Variants in JAK1 observed in about 807,000 individuals in gnomAD.
JAK1 encodes Janus kinase 1.
A neutral mutation model predicts 136.6 loss-of-function variants in JAK1; 16 were observed. The observed-to-expected ratio is 0.12, with a 90% CI of 0.08 to 0.18. The LOEUF is 0.18. Ranked by LOEUF, JAK1 falls within the 10% of genes least tolerant of loss-of-function variation. The pLI is 1.00. For synonymous variants in JAK1, 492 were observed against 519.5 expected (o/e 0.95, Z 0.72); for missense variants, 859 against 1,450.1 (o/e 0.59, Z 6.62).
At chr1:64,986,109 G>GT (rs35258864) in intron 2 of JAK1, 133,250 of 536,384 alleles carry the variant, frequency 0.25, 2,802 homozygotes, top group African/African-American at 0.28. Context: ...CAATCTAATT[G>GT]TTTTTTTTTT....
At position 64,845,517 on chromosome 1, in the gene JAK1, T is replaced by C; in HGVS notation, c.2111A>G (p.Tyr704Cys). The C allele has an allele frequency of 6.2e-7, 1 of 1,614,192 alleles. No homozygotes were observed. Among genetic ancestry groups the C allele is most frequent in the Non-Finnish European group, 8.5e-7 (1 of 1,180,014 alleles). ...VAKQLASALS[Y>C]LEDKDLVHGN... Reference sequence around the variant, plus strand: ...TGGACATCAGGACATTCTCACCAAGTAGCTCAGGGCACTGGCCAGCTGTTT... The same window carrying C: ...TGGACATCAGGACATTCTCACCAAGCAGCTCAGGGCACTGGCCAGCTGTTT... Residue 704 changes from tyrosine to cysteine, a missense_variant, in exon 15 of 25, where the codon TAC becomes TGC. Around this residue, in one of 4 missense-constraint regions of JAK1, gnomAD observed 409 missense variants for 753.8 expected, o/e 0.54. Coordinates refer to ENST00000342505, the MANE Select transcript of JAK1 (RefSeq NM_002227.4).
At chr1:65,057,258 A>G (rs1037416678) in intron 1 of JAK1, among the ~76,000 whole-genome samples, 7 of 152,214 alleles carry the variant, frequency 4.6e-5, no homozygotes, top group Non-Finnish European at 7.3e-5. Flanking sequence ...CTATTGTTAC[A>G]TGTGTACAGT....
chr1:64,987,805 T>G (rs558909726), intron 2 of JAK1: 2 of 152,136 alleles, frequency 1.3e-5, no homozygotes, highest in African/African-American at 4.8e-5. Flanking sequence ...GACCTAAAGA[T>G]AGAAAGGGGA....
upstream of JAK1, among the ~76,000 whole-genome samples, chr1:64,966,714 G>A (rs1288846956): frequency 4.0e-5 from 5 of 123,480 alleles, no homozygotes; most frequent in African/African-American, 1.2e-4. Context: ...GCCCCCATCC[G>A]GCTTCGCTCG....
chr1:64,844,938 C>G lies in JAK1; in HGVS notation c.2116-49G>C, dbSNP rs570856118. On this transcript the variant is annotated intron_variant, in intron 15 of 24. Coordinates refer to ENST00000342505, the MANE Select transcript of JAK1 (RefSeq NM_002227.4). This position sits in a 1 kb window ranked among gnomAD's most constrained non-coding sequence, Gnocchi z 5.7. ...TAGCCAAGCTGCTCCTTCCCGCATT[C>G]TATTTCCAACCCTGGTCCCTCAGGT... 88 of 1,612,404 alleles carry G rather than the reference C, an allele frequency of 5.5e-5. 1 individual carries two copies. In the South Asian group the frequency reaches 9.5e-4, roughly 17 times the overall value.
At chr1:65,008,640 C>CCCTTCG (rs1557755775) in intron 2 of JAK1, among the ~76,000 whole-genome samples, 2 of 150,556 alleles carry the variant, frequency 1.3e-5, no homozygotes, top group Non-Finnish European at 2.9e-5. Context: ...CTTCCCCTTC[C>CCCTTCG]CCTTCGCCTT....
intron 1 of JAK1, among the ~76,000 whole-genome samples, chr1:64,901,345 C>T (rs966290599): frequency 7.9e-5 from 12 of 152,072 alleles, no homozygotes; most frequent in African/African-American, 1.7e-4. Flanking sequence ...AACAGAATTG[C>T]GAGGAATTAT....
intron 10 of JAK1, among the ~76,000 whole-genome samples, chr1:64,856,391 A>G (rs1022410478): frequency 6.2e-4 from 95 of 152,350 alleles, no homozygotes; most frequent in African/African-American, 2.2e-3. Flanking sequence ...CAATGGGATA[A>G]TATCACCTAC....
rs1304332753 is a variant in JAK1, at chr1:64,976,139, G to T, written c.-78+68341C>A. ...CCTAGATCCATTTATTCTTTTTATT[G>T]TGGACACAGTGCCATATAGAGGTCT... On this transcript the variant is annotated intron_variant, in intron 2 of 25. Transcript: ENST00000671954. 2.0e-5 allele frequency among the ~76,000 whole-genome samples: 3 copies of T among 152,240 alleles called. No homozygotes were observed. The South Asian group carries it at 6.2e-4, about 32-fold the overall frequency.
rs1656147172 is a variant in JAK1, at chr1:64,859,306, C to T, written c.1334+799G>A. On this transcript the variant is annotated intron_variant, in intron 9 of 24. Transcript: ENST00000342505. ...ATGTAAGAGAAAGTCAAAAGAATCC[C>T]TGTTGTCTCAAAAGGCAGAATTCAA... 2.0e-5 allele frequency among the ~76,000 whole-genome samples: 3 copies of T among 152,232 alleles called. No individual in the cohort carries two copies. In the South Asian group the frequency reaches 6.2e-4, roughly 32 times the overall value.
chr1:65,003,067 C>T (rs1292348614), intron 2 of JAK1, among the ~76,000 whole-genome samples: 2 of 151,272 alleles, frequency 1.3e-5, no homozygotes, highest in South Asian at 2.1e-4. Context: ...CAGCCTCCCC[C>T]GCTTCTTCCC....
intron 4 of JAK1, among the ~76,000 whole-genome samples, chr1:64,874,428 C>A (rs571149194): frequency 6.6e-6 from 1 of 151,824 alleles, no homozygotes; most frequent in African/African-American, 2.4e-5. Flanking sequence ...ATACAGGTTA[C>A]TAGTCTGTTT....
At position 64,841,512 on chromosome 1, in the gene JAK1, G is replaced by T. The variant is rs1654904381; in HGVS notation, c.2493C>A (p.Asp831Glu). Residue 831 changes from aspartate to glutamate, a missense_variant, in exon 18 of 25, where the codon GAC (aspartate) becomes GAA (glutamate). By Grantham distance (45) the Asp-to-Glu change is conservative (BLOSUM62 2). This residue lies in a region of JAK1 where 409 missense variants were observed against 753.8 expected (regional missense o/e 0.54). Coordinates refer to ENST00000342505, the MANE Select transcript of JAK1 (RefSeq NM_002227.4). ...CTCGGAAGAAAGGCCTCTGATTGGG[G>T]TCATAGTTCATGCAGCGGGTCATGA... ...ADLMTRCMNY[D>E]PNQRPFFRAI... 6.2e-7 allele frequency: 1 copy of T among 1,614,152 alleles called. No individual in the cohort carries two copies. Among genetic ancestry groups the T allele is most frequent in the Middle Eastern group, 1.6e-4 (1 of 6,062 alleles).
At chr1:65,026,340 A>C (rs1261699912) in intron 2 of JAK1, among the ~76,000 whole-genome samples, 1 of 152,052 alleles carries the variant, frequency 6.6e-6, no homozygotes, top group Non-Finnish European at 1.5e-5. Flanking sequence ...AGCCAGACAC[A>C]GGCAGTCCTT....
chr1:64,864,898 C>T lies in JAK1; in HGVS notation c.1065G>A (p.Glu355=), dbSNP rs1264154039. The T allele has an allele frequency of 1.9e-6, 3 of 1,613,924 alleles. No individual in the cohort carries two copies. In the Admixed American group the frequency reaches 5.0e-5, roughly 27 times the overall value. ...TCCACTCTTCCCGGATCTTGTTTTTCTCCTCATCCTTCTTGTGTTTATTTT... is the reference window on the plus strand; with the variant it reads ...TCCACTCTTCCCGGATCTTGTTTTTTTCCTCATCCTTCTTGTGTTTATTTT... ...KLENKHKKDE[E]KNKIREEWNN... The change falls in exon 8 of 25, where the codon GAG becomes GAA. Residue 355 remains glutamate, a synonymous_variant. Coordinates refer to ENST00000342505, the MANE Select transcript of JAK1 (RefSeq NM_002227.4).
At chr1:64,970,842 AT>A (rs553673327), upstream of JAK1, among the ~76,000 whole-genome samples, 1 of 152,280 alleles carries the variant, frequency 6.6e-6, no homozygotes, top group African/African-American at 2.4e-5. Context: ...GAATACAAAT[AT>A]TTCCTTCTAA....
Position 65,060,201 on chromosome 1 carries a change from CG to C in JAK1, c.-181+7402del, listed in dbSNP as rs1647728541. 2.6e-5 allele frequency among the ~76,000 whole-genome samples: 4 copies of C among 151,664 alleles called. No individual in the cohort carries two copies. In the South Asian group the frequency reaches 8.3e-4, roughly 31 times the overall value. ...TTGGAAATAGTTGCACATTTTTACC[CG>C]AATTATAAACATCTGCTACGTGAAC... is the stretch of plus-strand genomic sequence containing the variant. On this transcript the variant is annotated intron_variant, in intron 1 of 25. Transcript: ENST00000671954.
intron 2 of JAK1, among the ~76,000 whole-genome samples, chr1:65,011,327 T>C (rs1474988752): frequency 1.3e-5 from 2 of 151,496 alleles, no homozygotes; most frequent in Non-Finnish European, 2.9e-5. Context: ...AATGGAAAAA[T>C]AAGCTGGGTG....
intron 1 of JAK1, among the ~76,000 whole-genome samples, chr1:65,050,258 TAAC>T (rs1440286510): frequency 1.3e-5 from 2 of 152,196 alleles, no homozygotes; most frequent in Non-Finnish European, 2.9e-5. Flanking sequence ...ATTCGCCATC[TAAC>T]GAGACATTAA....
Sources: allele counts gnomAD v4.1 joint callset (sites outside exome capture counted in the v4.1 genomes callset), GRCh38; gene constraint gnomAD v4.1.1; regional missense constraint gnomAD v4.1.1; non-coding constraint Gnocchi (gnomAD v3.1); transcripts MANE v1.5; gene names NCBI Gene and HGNC (gene_info 2026-07-23, HGNC 2026-07-21).